Variants in KDF1 observed in about 807,000 individuals in gnomAD.
KDF1 encodes the protein RP11-344H11.3.
KDF1 carries 11 observed loss-of-function variants against 31.6 expected under a neutral mutation model. The ratio of observed to expected loss-of-function variants is 0.35; its 90% CI spans 0.22 to 0.58. The LOEUF (loss-of-function observed/expected upper bound fraction) is 0.58. Ranked by LOEUF, KDF1 falls within the 20% of genes least tolerant of loss-of-function variation. KDF1 has a pLI of 0.83. For missense variants in KDF1, 476 were observed against 549.1 expected (o/e 0.87, Z 1.33); for synonymous variants, 205 against 214.4 (o/e 0.96, Z 0.38).
chr1:26,951,602 G>C lies in KDF1; in HGVS notation c.779C>G (p.Ala260Gly). 1 of 1,613,624 alleles carries C rather than the reference G, an allele frequency of 6.2e-7. No individual in the cohort carries two copies. Among genetic ancestry groups the C allele is most frequent in the Non-Finnish European group, 8.5e-7 (1 of 1,179,796 alleles). Reference protein sequence around the residue: ...LFSVHQIDELAKCTSDTVFLE... With the variant: ...LFSVHQIDELGKCTSDTVFLE... The stretch of plus-strand genomic sequence containing the variant: ...GAACACAGTGTCTGATGTGCACTTG[G>C]CCAGCTCATCGATCTGGTGTACGCT... Residue 260 changes from alanine (A) to glycine (G), a missense_variant, in exon 2 of 4, where the codon GCC becomes GGC. Coordinates refer to ENST00000320567, the MANE Select transcript of KDF1 (RefSeq NM_152365.3). This position sits in a 1 kb window ranked among gnomAD's most constrained non-coding sequence, Gnocchi z 5.4.
At position 26,957,672 on chromosome 1, in the gene KDF1, G is replaced by A. The variant is rs1280966384; in HGVS notation, c.-33+2678C>T. The stretch of plus-strand genomic sequence containing the variant: ...CGGTATCCCAAATAAAATTCTAACA[G>A]GTGATTTTAAATTCCCTTGCAATCT... On this transcript the variant is annotated intron_variant, in intron 1 of 3. Coordinates refer to ENST00000320567, the MANE Select transcript of KDF1 (RefSeq NM_152365.3). 2.0e-5 allele frequency among the ~76,000 whole-genome samples: 3 copies of A among 152,110 alleles called. No homozygotes were observed. The East Asian group carries it at 5.8e-4, about 29-fold the overall frequency.
At chr1:26,956,828 T>A (rs745695655) in intron 1 of KDF1, among the ~76,000 whole-genome samples, 28 of 152,186 alleles carry the variant, frequency 1.8e-4, no homozygotes, top group Non-Finnish European at 3.4e-4. Context: ...CTCAAATGGT[T>A]CAAACACAAA....
At chr1:26,955,392 T>C (rs1447829809) in intron 1 of KDF1, among the ~76,000 whole-genome samples, 1 of 152,164 alleles carries the variant, frequency 6.6e-6, no homozygotes, top group Non-Finnish European at 1.5e-5. Context: ...CTGTCAATAT[T>C]TCAGTCTTAC....
chr1:26,952,164 T>C lies in KDF1; in HGVS notation c.217A>G (p.Thr73Ala). ...CAGGGTCGCCAGAGCAGGCAGCAGG[T>C]GGGGGACTCAAGGGCCGGCTCAGCA... ...GSAEPALESP[T>A]CCLLWRPWVW... The change falls in exon 2 of 4, where the codon ACC becomes GCC. Residue 73 changes from threonine to alanine, a missense_variant. Physicochemically the swap from Thr to Ala is moderately conservative, Grantham distance 58 (BLOSUM62 0). This residue lies in a region of KDF1 where 330 missense variants were observed against 332.3 expected (regional missense o/e 0.99). Transcript: ENST00000320567. The surrounding 1 kb of genome is among the most constrained non-coding windows in gnomAD (Gnocchi z 4.1). 6.2e-7 allele frequency: 1 copy of C among 1,613,234 alleles called. No individual in the cohort carries two copies. Among genetic ancestry groups the C allele is most frequent in the Non-Finnish European group, 8.5e-7 (1 of 1,179,774 alleles).
chr1:26,958,282 C>T lies in KDF1; in HGVS notation c.-33+2068G>A, dbSNP rs191283599. Among the ~76,000 whole-genome samples the T allele has an allele frequency of 3.2e-3, 482 of 151,702 alleles. 3 individuals are homozygous for T. Among genetic ancestry groups the T allele is most frequent in the African/African-American group, 0.011 (460 of 41,330 alleles). On this transcript the variant is annotated intron_variant, in intron 1 of 3. Coordinates refer to ENST00000320567, the MANE Select transcript of KDF1 (RefSeq NM_152365.3). ...CCTCCTGAGTGGCTGGGACTACAGGCGCGTGCCACGCCTGGCTAATTTTTT... is the reference window on the plus strand; with the variant it reads ...CCTCCTGAGTGGCTGGGACTACAGGTGCGTGCCACGCCTGGCTAATTTTTT...
chr1:26,950,629 G>A lies in KDF1; in HGVS notation c.1114+53C>T. 2 of 1,522,098 alleles carry A rather than the reference G, an allele frequency of 1.3e-6. No homozygotes were observed. Among genetic ancestry groups the A allele is most frequent in the East Asian group, 2.3e-5 (1 of 44,160 alleles). 94.3% of individuals were successfully genotyped at this position (1,522,098 alleles called of 1,614,324 possible). A position where few individuals can be genotyped will look rare whatever the true frequency, so the allele number is the denominator to read the frequency against. ...AAGCTGGGAGAGCAGCAGGTGAGGG[G>A]CCCCTAGGGTAGTCCCCCACCCTCC... On this transcript the variant is annotated intron_variant, in intron 3 of 3. Transcript: ENST00000320567. This position sits in a 1 kb window ranked among gnomAD's most constrained non-coding sequence, Gnocchi z 4.0.
intron 1 of KDF1, among the ~76,000 whole-genome samples, chr1:26,957,088 C>G (rs2124163910): frequency 6.6e-6 from 1 of 152,128 alleles, no homozygotes; most frequent in African/African-American, 2.4e-5. Flanking sequence ...CACCCTGCCC[C>G]ACTAGTTTTT....
Position 26,951,978 on chromosome 1 carries a change from G to A in KDF1, c.403C>T (p.Pro135Ser), listed in dbSNP as rs747525165. The A allele has an allele frequency of 4.3e-6, 7 of 1,609,294 alleles. No homozygotes were observed. In the South Asian group the frequency reaches 7.7e-5, roughly 18 times the overall value. ...ANWAKEHNGV[P>S]PSPDRAPPSR... Reference sequence around the variant, plus strand: ...GGGGGTGCACGATCAGGGCTGGGGGGCACTCCATTGTGCTCCTTGGCCCAG... The same window carrying A: ...GGGGGTGCACGATCAGGGCTGGGGGACACTCCATTGTGCTCCTTGGCCCAG... The change falls in exon 2 of 4, where the codon CCC becomes TCC. Residue 135 changes from proline (P) to serine (S), a missense_variant. Pro to Ser is a moderately conservative substitution (Grantham distance 74). This residue lies in a region of KDF1 where 330 missense variants were observed against 332.3 expected (regional missense o/e 0.99). Coordinates refer to ENST00000320567, the MANE Select transcript of KDF1 (RefSeq NM_152365.3). This position sits in a 1 kb window ranked among gnomAD's most constrained non-coding sequence, Gnocchi z 5.4.
intron 1 of KDF1, among the ~76,000 whole-genome samples, chr1:26,955,475 C>T (rs1404265035): frequency 6.6e-6 from 1 of 152,180 alleles, no homozygotes; most frequent in East Asian, 1.9e-4. Context: ...AAAAGCTGAG[C>T]CACAAAATAT....
In KDF1 at chr1:26,951,856, C is replaced by T. The variant is rs754983927; in HGVS notation, c.525G>A (p.Pro175=). 4.5e-5 allele frequency: 72 copies of T among 1,613,628 alleles called. No individual in the cohort carries two copies. In the East Asian group the frequency reaches 8.0e-4, roughly 18 times the overall value. Residue 175 remains proline (P), a synonymous_variant, in exon 2 of 4, where the codon CCG becomes CCA. Transcript: ENST00000320567. This position sits in a 1 kb window ranked among gnomAD's most constrained non-coding sequence, Gnocchi z 5.4. ...KLKGIPVYPY[P]RATSPAPDAD... ...CATCAGGGGCTGGGGAGGTGGCCCT[C>T]GGGTAGGGATACACAGGGATGCCTT... is the stretch of plus-strand genomic sequence containing the variant.
At position 26,951,954 on chromosome 1, in the gene KDF1, G is replaced by C; in HGVS notation, c.427C>G (p.Pro143Ala). ...GVPPSPDRAP[P>A]SRRDGQRLKS... ...AGCCGCTGGCCATCCCGCCGGCTGG[G>C]GGGTGCACGATCAGGGCTGGGGGGC... The change falls in exon 2 of 4, where the codon CCC (proline) becomes GCC (alanine). Residue 143 changes from proline (P) to alanine (A), a missense_variant. Physicochemically the swap from Pro to Ala is conservative, Grantham distance 27 (BLOSUM62 -1). Coordinates refer to ENST00000320567, the MANE Select transcript of KDF1 (RefSeq NM_152365.3). This position sits in a 1 kb window ranked among gnomAD's most constrained non-coding sequence, Gnocchi z 5.4. The C allele has an allele frequency of 6.2e-7, 1 of 1,606,640 alleles. No individual in the cohort carries two copies. The highest frequency in any genetic ancestry group is 8.5e-7 in the Non-Finnish European group (1 of 1,174,804).
At chr1:26,954,607 C>T (rs1450099072) in intron 1 of KDF1, among the ~76,000 whole-genome samples, 1 of 150,810 alleles carries the variant, frequency 6.6e-6, no homozygotes, top group Non-Finnish European at 1.5e-5. Context: ...CTGAGGTGGG[C>T]GGATGATTTG....
intron 1 of KDF1, among the ~76,000 whole-genome samples, chr1:26,957,916 G>A (rs750161658): frequency 6.6e-6 from 1 of 151,932 alleles, no homozygotes; most frequent in African/African-American, 2.4e-5. Context: ...CCAGGTGGAG[G>A]CAATTCTCAT....
In KDF1 at chr1:26,953,353, C is replaced by T. The variant is rs114395233; in HGVS notation, c.-32-941G>A. Among the ~76,000 whole-genome samples, 417 of 152,302 alleles carry T rather than the reference C, an allele frequency of 2.7e-3. 4 individuals carry two copies. The highest frequency in any genetic ancestry group is 9.3e-3 in the African/African-American group (387 of 41,558). On this transcript the variant is annotated intron_variant, in intron 1 of 3. Transcript: ENST00000320567. ...GGTGCAGCTGCTATGGAAAACAGTA[C>T]GGTGGTTCCTCCAAAAATTAAACAT...
chr1:26,954,096 G>C (rs2082365755), intron 1 of KDF1, among the ~76,000 whole-genome samples: 1 of 152,118 alleles, frequency 6.6e-6, no homozygotes, highest in Non-Finnish European at 1.5e-5. Flanking sequence ...GTGTTGAATG[G>C]GTAGGGAGTT....
Position 26,952,120 on chromosome 1 carries a change from C to T in KDF1, c.261G>A (p.Arg87=), listed in dbSNP as rs879093596. ...GGCAGCGGCGGAAGCAGAAGGCAGC[C>T]CGGCACCACTCCCACACCCAGGGTC... ...LWRPWVWEWC[R]AAFCFRRCRD... Residue 87 remains arginine, a synonymous_variant, in exon 2 of 4, where the codon CGG becomes CGA. Coordinates refer to ENST00000320567, the MANE Select transcript of KDF1 (RefSeq NM_152365.3). This position sits in a 1 kb window ranked among gnomAD's most constrained non-coding sequence, Gnocchi z 4.1. The T allele has an allele frequency of 2.5e-6, 4 of 1,613,400 alleles. No homozygotes were observed. In the South Asian group the frequency reaches 4.4e-5, roughly 18 times the overall value.
chr1:26,949,794 A>G lies in KDF1; in HGVS notation c.*275T>C. 2.5e-6 allele frequency: 1 copy of G among 404,518 alleles called. No homozygotes were observed. 25.1% of individuals were successfully genotyped at this position (404,518 alleles called of 1,614,324 possible). A position where few individuals can be genotyped will look rare whatever the true frequency, so the allele number is the denominator to read the frequency against. On this transcript the variant is annotated 3_prime_UTR_variant, in exon 4 of 4. Transcript: ENST00000320567. ...GGTTCACTCCCAGAAGGTAATGCCT[A>G]ACTCCTTACTTTCCATGATCAGGCC...
At position 26,954,052 on chromosome 1, in the gene KDF1, C is replaced by T. The variant is rs370789134; in HGVS notation, c.-32-1640G>A. Among the ~76,000 whole-genome samples the T allele has an allele frequency of 1.3e-4, 19 of 151,458 alleles. 1 individual carries two copies. Among genetic ancestry groups the T allele is most frequent in the East Asian group, 7.7e-4 (4 of 5,174 alleles). On this transcript the variant is annotated intron_variant, in intron 1 of 3. Transcript: ENST00000320567. ...GAGACACAAAGTAGAATGGTAGTTG[C>T]CTGGTGCTGGGGGCAGAGGGGACTG...
At chr1:26,958,150 T>G (rs1280396220) in intron 1 of KDF1, among the ~76,000 whole-genome samples, 2 of 140,218 alleles carry the variant, frequency 1.4e-5, no homozygotes, top group Non-Finnish European at 3.1e-5. Context: ...TTTTTTTTTT[T>G]GAGATGGAGT....
Sources: allele counts gnomAD v4.1 joint callset (sites outside exome capture counted in the v4.1 genomes callset), GRCh38; gene constraint gnomAD v4.1.1; regional missense constraint gnomAD v4.1.1; non-coding constraint Gnocchi (gnomAD v3.1); transcripts MANE v1.5; gene names NCBI Gene and HGNC (gene_info 2026-07-23, HGNC 2026-07-21).